GLCE: variants seen among roughly 807,000 people sequenced by gnomAD.
The protein encoded by GLCE is glucuronic acid epimerase.
Under a neutral mutation model 47.9 loss-of-function variants are expected in GLCE, and 19 were observed. The ratio of observed to expected loss-of-function variants is 0.40; its 90% CI spans 0.28 to 0.58. GLCE has a LOEUF of 0.58. Among genes scored for constraint, GLCE ranks in the 20% least tolerant of loss-of-function variants. The probability of loss-of-function intolerance (pLI) is 0.48; values close to 1 mark genes in which losing one functional copy is unlikely to be tolerated. For synonymous variants in GLCE, 245 were observed against 263.4 expected, an observed-to-expected ratio of 0.93 and a Z score of 0.68; for missense variants, 556 against 743.3, an observed-to-expected ratio of 0.75 and a Z score of 2.93.
chr15:69,206,474 ATTAAG>A (rs1427996503), intron 1 of GLCE, among the ~76,000 whole-genome samples: 2 of 152,004 alleles, frequency 1.3e-5, no homozygotes, highest in Admixed American at 1.3e-4. Context: ...TCTATATGTT[ATTAAG>A]TTTTCTTCTG....
intron 1 of GLCE, among the ~76,000 whole-genome samples, chr15:69,179,617 G>GT (rs1241924929): frequency 6.6e-6 from 1 of 152,104 alleles, no homozygotes; most frequent in Non-Finnish European, 1.5e-5. Context: ...CACTGACAAC[G>GT]TAACTCCTGG....
At chr15:69,191,597 G>A (rs1340090358) in intron 1 of GLCE, among the ~76,000 whole-genome samples, 1 of 152,154 alleles carries the variant, frequency 6.6e-6, no homozygotes, top group Non-Finnish European at 1.5e-5. Context: ...CAGTGCCCAA[G>A]GGTTTTATTG....
chr15:69,180,077 C>A (rs571729237), intron 1 of GLCE, among the ~76,000 whole-genome samples: 2 of 152,258 alleles, frequency 1.3e-5, no homozygotes, highest in African/African-American at 4.8e-5. Context: ...TCAGAAAAAT[C>A]TTCATGGAAA....
chr15:69,264,892 T>G (rs1337144246), intron 4 of GLCE, among the ~76,000 whole-genome samples: 2 of 152,204 alleles, frequency 1.3e-5, no homozygotes, highest in Non-Finnish European at 2.9e-5. Flanking sequence ...ATCAGATTTT[T>G]TTTTGCTATT....
chr15:69,268,488 C>G lies in GLCE; in HGVS notation c.1098C>G (p.Asn366Lys). The G allele has an allele frequency of 6.2e-7, 1 of 1,614,166 alleles. No homozygotes were observed. The highest frequency in any genetic ancestry group is 8.5e-7 in the Non-Finnish European group (1 of 1,180,028). The change falls in exon 5 of 5, where the codon AAC becomes AAG. Residue 366 changes from asparagine (N) to lysine (K), a missense_variant. Around this residue, in one of 3 missense-constraint regions of GLCE, gnomAD observed 245 missense variants for 368.1 expected, o/e 0.67. Transcript: ENST00000261858. ...TCAGGAAAGGAGTGGGTCTTTCAAACACAAAAGCTGTCAAGCCAACCAAAA... is the reference window on the plus strand; with the variant it reads ...TCAGGAAAGGAGTGGGTCTTTCAAAGACAAAAGCTGTCAAGCCAACCAAAA... ...TDLRKGVGLS[N>K]TKAVKPTKIM...
At chr15:69,247,709 T>C (rs1182433171) in intron 2 of GLCE, among the ~76,000 whole-genome samples, 1 of 152,138 alleles carries the variant, frequency 6.6e-6, no homozygotes, top group African/African-American at 2.4e-5. Flanking sequence ...TACTGGTCAT[T>C]GTAGAGTTAT....
chr15:69,207,607 T>G (rs2052170038), intron 1 of GLCE, among the ~76,000 whole-genome samples: 1 of 152,164 alleles, frequency 6.6e-6, no homozygotes, highest in Non-Finnish European at 1.5e-5. Flanking sequence ...TTCTGCATAG[T>G]ATTTTATTGT....
At position 69,205,091 on chromosome 15, in the gene GLCE, A is replaced by G. The variant is rs186872032; in HGVS notation, c.-104-5225A>G. Among the ~76,000 whole-genome samples the G allele has an allele frequency of 5.9e-5, 9 of 152,228 alleles. No individual in the cohort carries two copies. The East Asian group carries it at 1.5e-3, about 26-fold the overall frequency. ...ACATGTATAGATTTATCTAACCACC[A>G]TCACAGTCAATATCCAGAATAGTTT... On this transcript the variant is annotated intron_variant, in intron 1 of 4. Coordinates refer to ENST00000261858, the MANE Select transcript of GLCE (RefSeq NM_015554.3).
chr15:69,255,811 G>A lies in GLCE; in HGVS notation c.5G>A (p.Arg2His), dbSNP rs140830366. ...CTCCATAGGTATGGTCTGAATATGCGTTGCTTGGCAGCTCGGGTCAACTAT... is the reference window on the plus strand; with the variant it reads ...CTCCATAGGTATGGTCTGAATATGCATTGCTTGGCAGCTCGGGTCAACTAT... The part of the protein sequence containing the change: M[R>H]CLAARVNYKT... Residue 2 changes from arginine to histidine, a missense_variant, in exon 3 of 5, where the codon CGT becomes CAT. By Grantham distance (29) the Arg-to-His change is conservative. Coordinates refer to ENST00000261858, the MANE Select transcript of GLCE (RefSeq NM_015554.3). The A allele has an allele frequency of 2.6e-5, 41 of 1,605,198 alleles. No individual in the cohort carries two copies. The highest frequency in any genetic ancestry group is 4.5e-5 in the East Asian group (2 of 44,700).
chr15:69,243,827 A>G (rs2052709869), intron 2 of GLCE, among the ~76,000 whole-genome samples: 1 of 152,086 alleles, frequency 6.6e-6, no homozygotes. Flanking sequence ...TTTAAAAAAA[A>G]AGACAGGGTC....
intron 2 of GLCE, among the ~76,000 whole-genome samples, chr15:69,254,686 G>T (rs894989713): frequency 1.3e-5 from 2 of 152,154 alleles, no homozygotes; most frequent in Non-Finnish European, 1.5e-5. Context: ...CAGTAGGAAG[G>T]GTGGAACAGA....
chr15:69,166,364 G>A (rs899614756), intron 1 of GLCE, among the ~76,000 whole-genome samples: 9 of 152,160 alleles, frequency 5.9e-5, no homozygotes, highest in Non-Finnish European at 1.3e-4. Flanking sequence ...CTTATTCAGT[G>A]TTTAAAATTA....
chr15:69,232,782 G>A (rs1374191521), intron 2 of GLCE, among the ~76,000 whole-genome samples: 1 of 152,032 alleles, frequency 6.6e-6, no homozygotes, highest in African/African-American at 2.4e-5. Context: ...AGAAAACAAG[G>A]GGGAAAAATC....
At chr15:69,187,076 C>T (rs1391211290) in intron 1 of GLCE, among the ~76,000 whole-genome samples, 5 of 152,094 alleles carry the variant, frequency 3.3e-5, no homozygotes, top group Admixed American at 6.5e-5. Context: ...CATTCAATGT[C>T]TTAGGTTAAT....
intron 4 of GLCE, among the ~76,000 whole-genome samples, chr15:69,261,919 T>A (rs1188382748): frequency 6.6e-6 from 1 of 152,190 alleles, no homozygotes; most frequent in Non-Finnish European, 1.5e-5. Flanking sequence ...TCTCATTAAT[T>A]AGAATGTAAT....
At chr15:69,256,451 A>G in intron 3 of GLCE, 59 bp downstream of exon 3, 1 of 1,134,012 alleles carries the variant, frequency 8.8e-7, no homozygotes, top group South Asian at 1.4e-5. Flanking sequence ...AGGAATAAGA[A>G]AATGTTGTTA....
rs1216199908 is a variant in GLCE, at chr15:69,268,351, A to C, written c.961A>C (p.Ile321Leu). ...ETTEKNQLFTIHYVSNAQLIA... is the reference protein window; with the variant it reads ...ETTEKNQLFTLHYVSNAQLIA... The stretch of plus-strand genomic sequence containing the variant: ...CACAGAAAAGAATCAGCTCTTCACT[A>C]TACATTATGTCTCAAATGCTCAGCT... Residue 321 changes from isoleucine (I) to leucine (L), a missense_variant, in exon 5 of 5, where the codon ATA (isoleucine) becomes CTA (leucine). Around this residue, in one of 3 missense-constraint regions of GLCE, gnomAD observed 245 missense variants for 368.1 expected, o/e 0.67. Coordinates refer to ENST00000261858, the MANE Select transcript of GLCE (RefSeq NM_015554.3). 9 of 1,613,978 alleles carry C rather than the reference A, an allele frequency of 5.6e-6. No individual in the cohort carries two copies. The highest frequency in any genetic ancestry group is 7.6e-6 in the Non-Finnish European group (9 of 1,179,926).
At chr15:69,202,441 C>T (rs1165203489) in intron 1 of GLCE, among the ~76,000 whole-genome samples, 4 of 152,106 alleles carry the variant, frequency 2.6e-5, no homozygotes, top group Non-Finnish European at 4.4e-5. Flanking sequence ...CTTCTATCTT[C>T]CTCATATACA....
At chr15:69,203,982 A>G (rs2052113128) in intron 1 of GLCE, among the ~76,000 whole-genome samples, 1 of 152,102 alleles carries the variant, frequency 6.6e-6, no homozygotes, top group African/African-American at 2.4e-5. Flanking sequence ...ATTAAATAAC[A>G]TGATAGAAAG....
Sources: gnomAD v4.1 joint callset for allele counts (sites outside exome capture counted in the v4.1 genomes callset) on GRCh38, gnomAD v4.1.1 for gene constraint, gnomAD v4.1.1 regional missense constraint, MANE v1.5 for transcripts, NCBI Gene and HGNC (gene_info 2026-07-23, HGNC 2026-07-21) for gene names.